The following PDE5A variants were observed in gnomAD, a reference collection of about 807,000 sequenced individuals.
The protein encoded by PDE5A is cGMP-specific 3',5'-cyclic phosphodiesterase.
In PDE5A, 67 loss-of-function variants were observed where a neutral mutation model predicts 110.2. The ratio of observed to expected loss-of-function variants is 0.61; its 90% CI spans 0.50 to 0.75. PDE5A has a LOEUF of 0.75. Among genes scored for constraint, PDE5A ranks in the 30% least tolerant of loss-of-function variants. PDE5A has a pLI of 0.00. For synonymous variants in PDE5A, 328 were observed against 351.2 expected (o/e 0.93, Z 0.74); for missense variants, 862 against 1,045.1 (o/e 0.82, Z 2.42).
chr4:119,526,133 G>A (rs1410357931), intron 11 of PDE5A, among the ~76,000 whole-genome samples: 1 of 152,156 alleles, frequency 6.6e-6, no homozygotes, highest in African/African-American at 2.4e-5. Flanking sequence ...TTTATGGTTA[G>A]TTCTCAGGAC....
At chr4:119,596,639 A>T (rs371987381) in intron 2 of PDE5A, 27 bp from the exon 3 acceptor site, 8 of 1,264,496 alleles carry the variant, frequency 6.3e-6, no homozygotes, top group Non-Finnish European at 8.0e-6. Flanking sequence ...AATTCAATTT[A>T]ATGACTGACC....
At chr4:119,566,839 GCAGCA>G (rs1328770684) in intron 4 of PDE5A, among the ~76,000 whole-genome samples, 1 of 152,178 alleles carries the variant, frequency 6.6e-6, no homozygotes, top group African/African-American at 2.4e-5. Context: ...TGCAGGCTTG[GCAGCA>G]CAGCAAGGAG....
At chr4:119,540,122 T>C (rs1726874720) in intron 10 of PDE5A, among the ~76,000 whole-genome samples, 1 of 152,104 alleles carries the variant, frequency 6.6e-6, no homozygotes, top group Non-Finnish European at 1.5e-5. Flanking sequence ...TGAAAGCATA[T>C]TTTTTTAAAG....
At chr4:119,608,162 A>G (rs1174187024) in intron 1 of PDE5A, among the ~76,000 whole-genome samples, 3 of 152,212 alleles carry the variant, frequency 2.0e-5, no homozygotes, top group Non-Finnish European at 4.4e-5. Context: ...TTATCCCAAT[A>G]ATGTTTGTTT....
chr4:119,590,446 T>C (rs913492574), intron 3 of PDE5A, among the ~76,000 whole-genome samples: 6 of 152,206 alleles, frequency 3.9e-5, no homozygotes, highest in African/African-American at 1.4e-4. Context: ...AGTAGCTCTT[T>C]GACCTTCCAA....
intron 3 of PDE5A, among the ~76,000 whole-genome samples, chr4:119,578,075 C>G (rs892859047): frequency 2.0e-5 from 3 of 152,140 alleles, no homozygotes; most frequent in Non-Finnish European, 2.9e-5. Context: ...CATGAGTGAA[C>G]TCCCATTCAC....
At chr4:119,573,318 AACC>A (rs1451633787) in intron 3 of PDE5A, among the ~76,000 whole-genome samples, 15 of 152,230 alleles carry the variant, frequency 9.9e-5, no homozygotes, top group African/African-American at 3.6e-4. Flanking sequence ...AGTCTCCATT[AACC>A]TCACATCCTT....
intron 1 of PDE5A, among the ~76,000 whole-genome samples, chr4:119,611,630 T>G (rs747664098): frequency 6.6e-6 from 1 of 152,248 alleles, no homozygotes; most frequent in Non-Finnish European, 1.5e-5. Context: ...GTGATTACTC[T>G]ATTTGTCTCA....
intron 8 of PDE5A, 35 bp downstream of exon 8, chr4:119,553,603 C>T (rs968510949): frequency 1.0e-6 from 1 of 1,000,146 alleles, no homozygotes; most frequent in Non-Finnish European, 1.6e-6. Flanking sequence ...GGGAAAACAG[C>T]CTTCTAGCTT....
At chr4:119,575,029 C>T (rs1372718676) in intron 3 of PDE5A, among the ~76,000 whole-genome samples, 4 of 152,196 alleles carry the variant, frequency 2.6e-5, no homozygotes, top group East Asian at 1.9e-4. Flanking sequence ...ACGAGAACTA[C>T]GTGATGAATG....
intron 13 of PDE5A, 94 bp downstream of exon 13, chr4:119,520,841 T>C (rs915299225): frequency 6.7e-6 from 7 of 1,038,068 alleles, no homozygotes; most frequent in Non-Finnish European, 8.4e-6. Context: ...TTTTAAATCA[T>C]TGTGCACCTT....
At chr4:119,500,357 G>T (rs1393107994) in intron 20 of PDE5A, 8 of 150,108 alleles carry the variant, frequency 5.3e-5, no homozygotes, top group Non-Finnish European at 8.9e-5. Context: ...TTGATGGCGA[G>T]AATCCTGGAG....
At chr4:119,582,416 A>T (rs1728619020) in intron 3 of PDE5A, among the ~76,000 whole-genome samples, 1 of 152,176 alleles carries the variant, frequency 6.6e-6, no homozygotes, top group African/African-American at 2.4e-5. Context: ...ATCTGCAGTT[A>T]CTTCCAACAG....
At chr4:119,583,962 T>C (rs573709426) in intron 3 of PDE5A, among the ~76,000 whole-genome samples, 1 of 152,166 alleles carries the variant, frequency 6.6e-6, no homozygotes, top group African/African-American at 2.4e-5. Context: ...GCAGATTTGA[T>C]AGCAGGGAAA....
chr4:119,539,023 C>A lies in PDE5A; in HGVS notation c.1573-4G>T, dbSNP rs757752838. 1.9e-6 allele frequency: 3 copies of A among 1,611,474 alleles called. No individual in the cohort carries two copies. The East Asian group carries it at 6.7e-5, about 36-fold the overall frequency. On this transcript the variant is annotated splice_polypyrimidine_tract_variant and splice_region_variant and intron_variant, in intron 10 of 20. Coordinates refer to ENST00000354960, the MANE Select transcript of PDE5A (RefSeq NM_001083.4). Reference sequence around the variant, plus strand: ...CTGAAGCATGATACGACAGAACCTACAGGGTAGGAAAAGAAGTCCAGGTTA... The same window carrying A: ...CTGAAGCATGATACGACAGAACCTAAAGGGTAGGAAAAGAAGTCCAGGTTA...
chr4:119,552,681 G>A, intron 8 of PDE5A, 44 bp from the exon 9 acceptor site: 1 of 1,078,946 alleles, frequency 9.3e-7, no homozygotes, highest in Non-Finnish European at 1.3e-6. Flanking sequence ...ATGGTAAAGA[G>A]ATTGATTTGT....
intron 3 of PDE5A, among the ~76,000 whole-genome samples, chr4:119,570,022 T>A (rs142566604): frequency 4.3e-4 from 66 of 152,224 alleles, no homozygotes; most frequent in African/African-American, 1.4e-3. Context: ...TATATGTGCC[T>A]CCATCCCCAG....
At chr4:119,558,929 A>AG (rs70944892) in intron 7 of PDE5A, among the ~76,000 whole-genome samples, 21,409 of 150,224 alleles carry the variant, frequency 0.14, 1,772 homozygotes, top group Middle Eastern at 0.19. Context: ...AAAAAAAAAA[A>AG]AAAAAAGCTA....
chr4:119,580,632 T>G (rs2110521209), intron 3 of PDE5A, among the ~76,000 whole-genome samples: 1 of 152,230 alleles, frequency 6.6e-6, no homozygotes, highest in Admixed American at 6.5e-5. Context: ...ACCCTGTGTG[T>G]TTGCACTTTA....
Sources: gnomAD v4.1 joint callset for allele counts (sites outside exome capture counted in the v4.1 genomes callset) on GRCh38, gnomAD v4.1.1 for gene constraint, MANE v1.5 for transcripts, NCBI Gene and HGNC (gene_info 2026-07-23, HGNC 2026-07-21) for gene names.